The following SPI1 variants were observed in gnomAD, a reference collection of about 807,000 sequenced individuals.
SPI1 encodes Spi-1 proto-oncogene.
A neutral mutation model predicts 30.7 loss-of-function variants in SPI1; 3 were observed. That is an observed-to-expected ratio of 0.10 (90% CI 0.04 to 0.25). SPI1 has a LOEUF of 0.25. SPI1 is among the 10% of genes least tolerant of loss of function. The pLI, the probability that SPI1 is intolerant of heterozygous loss-of-function variation, is 1.00. For synonymous variants in SPI1, 169 were observed against 157.1 expected (o/e 1.08, Z -0.56); for missense variants, 261 against 371.5 (o/e 0.70, Z 2.45).
intron 4 of SPI1, among the ~76,000 whole-genome samples, chr11:47,357,944 A>C (rs868657216): frequency 5.9e-5 from 9 of 151,444 alleles, no homozygotes; most frequent in Non-Finnish European, 1.2e-4. Context: ...ACACATGCAC[A>C]CCTGCTCACA....
At chr11:47,358,696 C>T in intron 4 of SPI1, 148 bp downstream of exon 4, 1 of 816,358 alleles carries the variant, frequency 1.2e-6, no homozygotes, top group Non-Finnish European at 2.0e-6. Flanking sequence ...CCACAGACAG[C>T]CCCACAAAAC....
At chr11:47,367,695 G>A (rs2095930340) in intron 2 of SPI1, among the ~76,000 whole-genome samples, 1 of 149,054 alleles carries the variant, frequency 6.7e-6, no homozygotes, top group African/African-American at 2.5e-5. Context: ...TTAGTATACT[G>A]TTGTTGGAAA....
intron 2 of SPI1, among the ~76,000 whole-genome samples, chr11:47,364,749 G>C (rs2095926059): frequency 6.6e-6 from 1 of 152,152 alleles, no homozygotes; most frequent in South Asian, 2.1e-4. Flanking sequence ...CCTGAGGCCA[G>C]CATTTCCCAA....
rs759759958 is a variant in SPI1 at position 47,378,347 on chromosome 11, G to C, written c.7C>G (p.Gln3Glu). Residue 3 changes from glutamine to glutamate, a missense_variant, in exon 1 of 5, where the codon CAG becomes GAG. Physicochemically the swap from Gln to Glu is conservative, Grantham distance 29 (BLOSUM62 2). Coordinates refer to ENST00000378538, the MANE Select transcript of SPI1 (RefSeq NM_003120.3). ML[Q>E]ACKMEGFPLV... ...GGAAACCCTTCCATTTTGCACGCCTGTAACATCCAGCCGGGCTCCGAGTCG... is the reference window on the plus strand; with the variant it reads ...GGAAACCCTTCCATTTTGCACGCCTCTAACATCCAGCCGGGCTCCGAGTCG... 3.7e-5 allele frequency: 59 copies of C among 1,613,240 alleles called. No homozygotes were observed. Among genetic ancestry groups the C allele is most frequent in the Non-Finnish European group, 4.9e-5 (58 of 1,179,692 alleles).
chr11:47,369,523 A>T (rs536321001), intron 2 of SPI1, among the ~76,000 whole-genome samples: 12 of 151,234 alleles, frequency 7.9e-5, no homozygotes, highest in Non-Finnish European at 1.5e-4. Flanking sequence ...AAAAGATACT[A>T]AAAACTTCCA....
At chr11:47,358,517 C>G in intron 4 of SPI1, 1 of 671,724 alleles carries the variant, frequency 1.5e-6, no homozygotes, top group Non-Finnish European at 2.7e-6. Context: ...CTCACACAGC[C>G]ACTCGCACAC....
In SPI1 at chr11:47,378,444, G is replaced by T; in HGVS notation, c.-91C>A. 1 of 1,441,204 alleles carries T rather than the reference G, an allele frequency of 6.9e-7. No homozygotes were observed. The highest frequency in any genetic ancestry group is 9.5e-7 in the Non-Finnish European group (1 of 1,047,680). 89.3% of individuals were successfully genotyped at this position (1,441,204 alleles called of 1,614,324 possible). A position where few individuals can be genotyped will look rare whatever the true frequency, so the allele number is the denominator to read the frequency against. On this transcript the variant is annotated 5_prime_UTR_variant, in exon 1 of 5. Transcript: ENST00000378538. ...TGGGGTGCCCCGTCAGGGGCTGGAC[G>T]GTCGTGGGGCGGGTGCAGGGCTCAG...
intron 4 of SPI1, among the ~76,000 whole-genome samples, chr11:47,356,264 C>A (rs527485576): frequency 2.0e-5 from 3 of 149,424 alleles, no homozygotes; most frequent in Admixed American, 2.0e-4. Flanking sequence ...GGCACCCACA[C>A]GACACACCCA....
At position 47,374,996 on chromosome 11, in the gene SPI1, G is replaced by A. The variant is rs1040793752; in HGVS notation, c.142+637C>T. Reference sequence around the variant, plus strand: ...CCAATTAGGGGTGATTTTGCCTCCCGGGGGGATCTGCCAATGGGTGGAGAC... The same window carrying A: ...CCAATTAGGGGTGATTTTGCCTCCCAGGGGGATCTGCCAATGGGTGGAGAC... On this transcript the variant is annotated intron_variant, in intron 2 of 4. Transcript: ENST00000378538. The surrounding 1 kb of genome is among the most constrained non-coding windows in gnomAD (Gnocchi z 4.5). Among the ~76,000 whole-genome samples, 3 of 152,112 alleles carry A rather than the reference G, an allele frequency of 2.0e-5. No homozygotes were observed. The highest frequency in any genetic ancestry group is 7.2e-5 in the African/African-American group (3 of 41,452).
Position 47,378,409 on chromosome 11 carries a change from C to G in SPI1, c.-56G>C, listed in dbSNP as rs1466400504. ...TGCCTCGGTGGGGGCCAATGCAGAGCCCCTCAGGATGGGGTGCCCCGTCAG... is the reference window on the plus strand; with the variant it reads ...TGCCTCGGTGGGGGCCAATGCAGAGGCCCTCAGGATGGGGTGCCCCGTCAG... On this transcript the variant is annotated 5_prime_UTR_variant, in exon 1 of 5. Transcript: ENST00000378538. 1 of 1,579,620 alleles carries G rather than the reference C, an allele frequency of 6.3e-7. No homozygotes were observed. Among genetic ancestry groups the G allele is most frequent in the Non-Finnish European group, 8.6e-7 (1 of 1,160,746 alleles).
rs982239614 is a variant in SPI1, at chr11:47,359,649, C to G, written c.330+204G>C. On this transcript the variant is annotated intron_variant, in intron 3 of 4. Transcript: ENST00000378538. The surrounding 1 kb of genome is among the most constrained non-coding windows in gnomAD (Gnocchi z 5.1). ...GAGAATTATCTGGGGTCTGTCCATA[C>G]TCGGGGTGAGATGAGATAAGGGGTG... Among the ~76,000 whole-genome samples the G allele has an allele frequency of 6.6e-6, 1 of 151,648 alleles. No homozygotes were observed. Among genetic ancestry groups the G allele is most frequent in the Non-Finnish European group, 1.5e-5 (1 of 67,936 alleles).
At chr11:47,361,178 CCTGG>C (rs1168516033) in intron 2 of SPI1, among the ~76,000 whole-genome samples, 1 of 152,100 alleles carries the variant, frequency 6.6e-6, no homozygotes, top group African/African-American at 2.4e-5. Flanking sequence ...TCCTGAGCTC[CCTGG>C]CTGCCCACAG....
chr11:47,368,185 GC>G (rs1392340270), intron 2 of SPI1, among the ~76,000 whole-genome samples: 1 of 152,088 alleles, frequency 6.6e-6, no homozygotes, highest in Non-Finnish European at 1.5e-5. Context: ...GGCCAACATG[GC>G]AAAATCTGTC....
chr11:47,371,720 A>G (rs2095936256), intron 2 of SPI1, among the ~76,000 whole-genome samples: 1 of 152,038 alleles, frequency 6.6e-6, no homozygotes, highest in African/African-American at 2.4e-5. Context: ...ACACACACAT[A>G]CACAGAAGGT....
chr11:47,358,590 T>TAC (rs1192941904), intron 4 of SPI1: 3 of 703,526 alleles, frequency 4.3e-6, no homozygotes, highest in Non-Finnish European at 7.8e-6. Context: ...CACCCAGATG[T>TAC]ACACACACTC....
intron 2 of SPI1, among the ~76,000 whole-genome samples, chr11:47,365,910 C>T (rs376041156): frequency 1.2e-4 from 18 of 152,116 alleles, no homozygotes; most frequent in South Asian, 4.2e-4. Context: ...TTGGCCAGGC[C>T]GGTCTCAAAC....
Position 47,375,737 on chromosome 11 carries a change from G to A in SPI1, c.46-8C>T, listed in dbSNP as rs376228237. The A allele has an allele frequency of 1.2e-6, 2 of 1,611,396 alleles. No homozygotes were observed. Among genetic ancestry groups the A allele is most frequent in the South Asian group, 1.1e-5 (1 of 91,016 alleles). On this transcript the variant is annotated splice_polypyrimidine_tract_variant and splice_region_variant and intron_variant, in intron 1 of 4. Coordinates refer to ENST00000378538, the MANE Select transcript of SPI1 (RefSeq NM_003120.3). The surrounding 1 kb of genome is among the most constrained non-coding windows in gnomAD (Gnocchi z 4.2). ...CACCAGGTCTTCTGATGGCTGCTGAGAGAGGAGGTGTCAGGGCCTGCACCA... is the reference window on the plus strand; with the variant it reads ...CACCAGGTCTTCTGATGGCTGCTGAAAGAGGAGGTGTCAGGGCCTGCACCA...
At chr11:47,362,700 C>T (rs981456665) in intron 2 of SPI1, among the ~76,000 whole-genome samples, 2 of 151,770 alleles carry the variant, frequency 1.3e-5, no homozygotes, top group African/African-American at 4.8e-5. Flanking sequence ...CTCAGCCTCC[C>T]AAGTAGCTGG....
Position 47,359,908 on chromosome 11 carries a change from T to C in SPI1, c.275A>G (p.Gln92Arg), listed in dbSNP as rs2095918195. ...QQLYRHMELE[Q>R]MHVLDTPMVP... Reference sequence around the variant, plus strand: ...CATGGGGGTATCGAGGACGTGCATCTGCTCCAGCTCCATGTGGCGGTAGAG... The same window carrying C: ...CATGGGGGTATCGAGGACGTGCATCCGCTCCAGCTCCATGTGGCGGTAGAG... Residue 92 changes from glutamine to arginine, a missense_variant, in exon 3 of 5, where the codon CAG becomes CGG. By Grantham distance (43) the Gln-to-Arg change is conservative. Transcript: ENST00000378538. The surrounding 1 kb of genome is among the most constrained non-coding windows in gnomAD (Gnocchi z 5.1). 6.2e-7 allele frequency: 1 copy of C among 1,610,816 alleles called. No individual in the cohort carries two copies. Among genetic ancestry groups the C allele is most frequent in the Non-Finnish European group, 8.5e-7 (1 of 1,179,866 alleles).
Sources: allele counts gnomAD v4.1 joint callset (sites outside exome capture counted in the v4.1 genomes callset), GRCh38; gene constraint gnomAD v4.1.1; non-coding constraint Gnocchi (gnomAD v3.1); transcripts MANE v1.5; gene names NCBI Gene and HGNC (gene_info 2026-07-23, HGNC 2026-07-21).